The following ARFGEF1 variants were observed in gnomAD, a reference collection of about 807,000 sequenced individuals.
The protein encoded by ARFGEF1 is ARF guanine nucleotide exchange factor 1, also known as brefeldin A-inhibited guanine nucleotide-exchange protein 1.
ARFGEF1 carries 42 observed loss-of-function variants against 231.0 expected under a neutral mutation model. The ratio of observed to expected loss-of-function variants is 0.18; its 90% CI spans 0.14 to 0.24. The LOEUF (loss-of-function observed/expected upper bound fraction) is 0.24, where lower values mean the gene tolerates loss of function less well. ARFGEF1 is among the 10% of genes least tolerant of loss of function. The probability of loss-of-function intolerance (pLI) is 1.00; values close to 1 mark genes in which losing one functional copy is unlikely to be tolerated. For missense variants in ARFGEF1, 1,345 were observed against 2,192.0 expected (o/e 0.61, Z 7.72); for synonymous variants, 710 against 732.3 (o/e 0.97, Z 0.49).
At chr8:67,293,765 C>A (rs1489857436) in intron 5 of ARFGEF1, among the ~76,000 whole-genome samples, 3 of 152,060 alleles carry the variant, frequency 2.0e-5, no homozygotes, top group African/African-American at 7.2e-5. Context: ...ACCGGTGTGA[C>A]CGCTTCTGAT....
At chr8:67,249,812 G>A (rs1587133540) in intron 19 of ARFGEF1, among the ~76,000 whole-genome samples, 1 of 152,198 alleles carries the variant, frequency 6.6e-6, no homozygotes, top group African/African-American at 2.4e-5. Flanking sequence ...AGTAGAGATG[G>A]GGTTTCACCT....
At chr8:67,241,000 TCAA>T (rs1839910716) in intron 19 of ARFGEF1, among the ~76,000 whole-genome samples, 1 of 152,162 alleles carries the variant, frequency 6.6e-6, no homozygotes, top group Non-Finnish European at 1.5e-5. Context: ...GTGAAAGTAT[TCAA>T]CTGCTTTTAA....
At chr8:67,275,760 A>G (rs1028850405) in intron 9 of ARFGEF1, among the ~76,000 whole-genome samples, 8 of 152,138 alleles carry the variant, frequency 5.3e-5, no homozygotes, top group Non-Finnish European at 1.2e-4. Context: ...AGTATAAGTC[A>G]CATACCCTTT....
At chr8:67,343,107 G>GCCCC in intron 1 of ARFGEF1, 57 bp downstream of exon 1, 3 of 426,108 alleles carry the variant, frequency 7.0e-6, no homozygotes, top group South Asian at 6.0e-5. Flanking sequence ...CCCCACAGGC[G>GCCCC]CCCCCCTCCC....
At chr8:67,258,391 T>C in intron 15 of ARFGEF1, 101 bp from the exon 16 acceptor site, 1 of 801,674 alleles carries the variant, frequency 1.2e-6, no homozygotes, top group East Asian at 2.8e-5. Context: ...AGTGGCACGA[T>C]CTCGGCTCAC....
At chr8:67,190,593 T>C (rs1487061669) in intron 5 of ARFGEF1, 6 of 1,308,990 alleles carry the variant, frequency 4.6e-6, no homozygotes, top group East Asian at 4.6e-5. Flanking sequence ...TTGGTTTAGC[T>C]CTGGGTAAGA....
At chr8:67,273,419 CAA>C (rs58580002) in intron 9 of ARFGEF1, among the ~76,000 whole-genome samples, 5,011 of 56,448 alleles carry the variant, frequency 0.089, 186 homozygotes, top group African/African-American at 0.23. Context: ...TTTTTTTTCC[CAA>C]AAAAAAAAAA....
At chr8:67,294,357 C>T (rs1352955161) in intron 5 of ARFGEF1, among the ~76,000 whole-genome samples, 1 of 152,006 alleles carries the variant, frequency 6.6e-6, no homozygotes, top group Admixed American at 6.6e-5. Context: ...ACAAATGAGT[C>T]TAACTATTAT....
chr8:67,192,066 GTTTT>G (rs34907123), intron 5 of ARFGEF1, among the ~76,000 whole-genome samples: 28 of 129,858 alleles, frequency 2.2e-4, no homozygotes, highest in African/African-American at 5.3e-4. Context: ...TTGCTGATTT[GTTTT>G]TTTTTTTGTT....
At chr8:67,315,402 G>T (rs559410463) in intron 1 of ARFGEF1, among the ~76,000 whole-genome samples, 1 of 152,208 alleles carries the variant, frequency 6.6e-6, no homozygotes, top group Non-Finnish European at 1.5e-5. Flanking sequence ...TCAATCGGCA[G>T]GGTATAAATT....
At chr8:67,299,927 C>T (rs1304996348) in intron 3 of ARFGEF1, among the ~76,000 whole-genome samples, 1 of 152,016 alleles carries the variant, frequency 6.6e-6, no homozygotes, top group East Asian at 1.9e-4. Flanking sequence ...CAAGCCTGCG[C>T]CACTGCACTC....
At chr8:67,199,500 A>C in intron 38 of ARFGEF1, 1 of 184,146 alleles carries the variant, frequency 5.4e-6, no homozygotes, top group Non-Finnish European at 1.1e-5. Flanking sequence ...TGCAATATAA[A>C]ATCTAAACAG....
At chr8:67,244,610 C>CT (rs1274261528) in intron 19 of ARFGEF1, among the ~76,000 whole-genome samples, 1 of 149,172 alleles carries the variant, frequency 6.7e-6, no homozygotes, top group Non-Finnish European at 1.5e-5. Context: ...CCATAAGTCT[C>CT]TTAATAGCAG....
chr8:67,339,794 GC>G (rs1184604742), intron 1 of ARFGEF1, among the ~76,000 whole-genome samples: 2 of 62,282 alleles, frequency 3.2e-5, no homozygotes, highest in Non-Finnish European at 6.8e-5. Context: ...ACAGTGTGGG[GC>G]GGGGGGGGGG....
intron 6 of ARFGEF1, among the ~76,000 whole-genome samples, chr8:67,289,762 A>G (rs1207831451): frequency 2.0e-5 from 3 of 152,142 alleles, no homozygotes; most frequent in African/African-American, 7.2e-5. Flanking sequence ...CCAAATAAAA[A>G]TAGCATTTAG....
At chr8:67,316,094 C>T (rs962046371) in intron 1 of ARFGEF1, among the ~76,000 whole-genome samples, 1 of 152,022 alleles carries the variant, frequency 6.6e-6, no homozygotes, top group Non-Finnish European at 1.5e-5. Flanking sequence ...AAAAATAAAG[C>T]AGGGTATCAC....
At chr8:67,214,855 G>A (rs962928074) in intron 33 of ARFGEF1, among the ~76,000 whole-genome samples, 3 of 152,166 alleles carry the variant, frequency 2.0e-5, no homozygotes, top group African/African-American at 7.2e-5. Context: ...CAGAAAATGG[G>A]TCAACAGAGC....
intron 1 of ARFGEF1, among the ~76,000 whole-genome samples, chr8:67,311,628 C>G (rs1424264372): frequency 6.7e-6 from 1 of 149,870 alleles, no homozygotes; most frequent in African/African-American, 2.5e-5. Flanking sequence ...GGTCAGCCCC[C>G]CCGCCCAGCC....
chr8:67,216,168 C>T (rs1419438869), intron 33 of ARFGEF1, among the ~76,000 whole-genome samples: 1 of 152,146 alleles, frequency 6.6e-6, no homozygotes, highest in Non-Finnish European at 1.5e-5. Context: ...GAGTCAAACG[C>T]ATTGCAATGA....
Sources: gnomAD v4.1 joint callset for allele counts (sites outside exome capture counted in the v4.1 genomes callset) on GRCh38, gnomAD v4.1.1 for gene constraint, MANE v1.5 for transcripts, NCBI Gene and HGNC (gene_info 2026-07-23, HGNC 2026-07-21) for gene names.